EFNA5: variants seen among roughly 807,000 people sequenced by gnomAD.
EFNA5 encodes ephrin-A5.
Under a neutral mutation model 22.9 loss-of-function variants are expected in EFNA5, and 5 were observed. The observed-to-expected ratio is 0.22, with a 90% CI of 0.11 to 0.46. The LOEUF (loss-of-function observed/expected upper bound fraction) is 0.46. Ranked by LOEUF, EFNA5 falls within the 20% of genes least tolerant of loss-of-function variation. The pLI is 0.99. For missense variants in EFNA5, 237 were observed against 293.3 expected (o/e 0.81, Z 1.40); for synonymous variants, 113 against 112.2 (o/e 1.01, Z -0.04).
chr5:107,428,709 A>G (rs1748869450), intron 1 of EFNA5, among the ~76,000 whole-genome samples: 1 of 152,184 alleles, frequency 6.6e-6, no homozygotes, highest in Non-Finnish European at 1.5e-5. Context: ...AAGTCATATA[A>G]TCTCCAAGCT....
At chr5:107,493,022 C>G (rs1746858720) in intron 1 of EFNA5, among the ~76,000 whole-genome samples, 1 of 150,770 alleles carries the variant, frequency 6.6e-6, no homozygotes, top group Non-Finnish European at 1.5e-5. Flanking sequence ...TCTTTAAGAT[C>G]TATTCTTGTA....
At chr5:107,601,139 T>C (rs1256740626) in intron 1 of EFNA5, among the ~76,000 whole-genome samples, 1 of 152,200 alleles carries the variant, frequency 6.6e-6, no homozygotes, top group Non-Finnish European at 1.5e-5. Context: ...AGGTTTAGAT[T>C]GTTTCATAGG....
intron 1 of EFNA5, among the ~76,000 whole-genome samples, chr5:107,495,516 C>A (rs1746953511): frequency 6.6e-6 from 1 of 152,212 alleles, no homozygotes; most frequent in Non-Finnish European, 1.5e-5. Context: ...ATTCTGGACA[C>A]AATGTCATGA....
intron 1 of EFNA5, among the ~76,000 whole-genome samples, chr5:107,668,979 C>T (rs536690258): frequency 6.6e-6 from 1 of 152,272 alleles, no homozygotes; most frequent in African/African-American, 2.4e-5. Context: ...AATATCTCCA[C>T]TCCTGTTCAG....
chr5:107,382,173 A>G (rs893914789), intron 4 of EFNA5, among the ~76,000 whole-genome samples: 2 of 152,168 alleles, frequency 1.3e-5, no homozygotes, highest in African/African-American at 4.8e-5. Context: ...AAAGTGTTCT[A>G]TGAGGCTGCC....
intron 1 of EFNA5, among the ~76,000 whole-genome samples, chr5:107,501,580 A>C (rs564277427): frequency 3.6e-4 from 55 of 152,226 alleles, no homozygotes; most frequent in Admixed American, 1.0e-3. Context: ...TAATTCTTTA[A>C]AAAATATTTC....
intron 1 of EFNA5, among the ~76,000 whole-genome samples, chr5:107,579,385 T>C (rs1163874410): frequency 6.6e-6 from 1 of 152,164 alleles, no homozygotes; most frequent in Non-Finnish European, 1.5e-5. Flanking sequence ...CTGTAATCAT[T>C]ACTACTGTTT....
chr5:107,405,600 C>A (rs1748188217), intron 2 of EFNA5, among the ~76,000 whole-genome samples: 1 of 152,034 alleles, frequency 6.6e-6, no homozygotes. Flanking sequence ...CTTTAACAGA[C>A]CGAATTCACA....
At chr5:107,433,570 A>C (rs1030862645) in intron 1 of EFNA5, among the ~76,000 whole-genome samples, 1 of 152,190 alleles carries the variant, frequency 6.6e-6, no homozygotes, top group Non-Finnish European at 1.5e-5. Flanking sequence ...TATGCTGAAT[A>C]AATTTTAATT....
intron 1 of EFNA5, among the ~76,000 whole-genome samples, chr5:107,554,106 C>T (rs1748357481): frequency 6.6e-6 from 1 of 152,166 alleles, no homozygotes; most frequent in Non-Finnish European, 1.5e-5. Flanking sequence ...AAATGAGTTT[C>T]TTCAAAGAGG....
At chr5:107,553,957 C>A (rs560086196) in intron 1 of EFNA5, among the ~76,000 whole-genome samples, 5 of 152,236 alleles carry the variant, frequency 3.3e-5, no homozygotes, top group Admixed American at 2.6e-4. Context: ...TCTTTCTTTG[C>A]AGTTATTTCT....
At chr5:107,452,492 G>A (rs1749587256) in intron 1 of EFNA5, among the ~76,000 whole-genome samples, 1 of 152,132 alleles carries the variant, frequency 6.6e-6, no homozygotes, top group Admixed American at 6.6e-5. Flanking sequence ...GGGAGGCTGA[G>A]ACTAGAGGAT....
At chr5:107,616,371 C>A (rs1749913405) in intron 1 of EFNA5, among the ~76,000 whole-genome samples, 1 of 152,134 alleles carries the variant, frequency 6.6e-6, no homozygotes, top group East Asian at 1.9e-4. Flanking sequence ...TTAGGCTGCA[C>A]TACCGCAGCA....
At chr5:107,442,268 T>C (rs974928170) in intron 1 of EFNA5, among the ~76,000 whole-genome samples, 1 of 152,048 alleles carries the variant, frequency 6.6e-6, no homozygotes, top group African/African-American at 2.4e-5. Flanking sequence ...ACTAGTAAAA[T>C]AAAGTTTGAG....
chr5:107,512,565 G>C (rs936459313), intron 1 of EFNA5, among the ~76,000 whole-genome samples: 1 of 151,944 alleles, frequency 6.6e-6, no homozygotes, highest in African/African-American at 2.4e-5. Flanking sequence ...AAGACTTTGT[G>C]CTGATTTCCA....
chr5:107,661,282 G>A (rs1365814422), intron 1 of EFNA5, among the ~76,000 whole-genome samples: 2 of 152,138 alleles, frequency 1.3e-5, no homozygotes, highest in Non-Finnish European at 2.9e-5. Context: ...GCGACTATAT[G>A]GACAGAGAAG....
intron 4 of EFNA5, 97 bp from the exon 5 acceptor site, chr5:107,381,473 A>G: frequency 7.3e-7 from 1 of 1,360,970 alleles, no homozygotes; most frequent in Non-Finnish European, 9.8e-7. Context: ...ACCCTCTGCA[A>G]AGTAGGGTAA....
intron 1 of EFNA5, among the ~76,000 whole-genome samples, chr5:107,627,243 G>A (rs1189948181): frequency 6.6e-6 from 1 of 152,058 alleles, no homozygotes; most frequent in Non-Finnish European, 1.5e-5. Flanking sequence ...CCCAACAAAT[G>A]GGGATGAAAC....
At chr5:107,661,496 T>G (rs1750960368) in intron 1 of EFNA5, among the ~76,000 whole-genome samples, 1 of 152,240 alleles carries the variant, frequency 6.6e-6, no homozygotes, top group South Asian at 2.1e-4. Context: ...GACACTTGTG[T>G]GCCAGGGCAG....
Sources: allele counts gnomAD v4.1 joint callset (sites outside exome capture counted in the v4.1 genomes callset), GRCh38; gene constraint gnomAD v4.1.1; transcripts MANE v1.5; gene names NCBI Gene and HGNC (gene_info 2026-07-23, HGNC 2026-07-21).